The following CCDC149 variants were observed in gnomAD, a reference collection of about 807,000 sequenced individuals.
CCDC149 encodes coiled-coil domain-containing protein 149.
A neutral mutation model predicts 59.9 loss-of-function variants in CCDC149; 45 were observed. The ratio of observed to expected loss-of-function variants is 0.75; its 90% confidence interval spans 0.59 to 0.96. The LOEUF (loss-of-function observed/expected upper bound fraction) is 0.96. Among genes scored for constraint, CCDC149 ranks in the 40% least tolerant of loss-of-function variants. The pLI is 0.00. For synonymous variants in CCDC149, 245 were observed against 260.6 expected, an observed-to-expected ratio of 0.94 and a Z score of 0.58; for missense variants, 584 against 664.7, an observed-to-expected ratio of 0.88 and a Z score of 1.33.
At chr4:24,832,654 A>T (rs747795551) in intron 8 of CCDC149, among the ~76,000 whole-genome samples, 1 of 152,164 alleles carries the variant, frequency 6.6e-6, no homozygotes, top group Non-Finnish European at 1.5e-5. Context: ...ACTTTCAAAA[A>T]ATTCCTAATT....
intron 1 of CCDC149, among the ~76,000 whole-genome samples, chr4:24,955,956 C>T (rs1723452258): frequency 6.6e-6 from 1 of 152,216 alleles, no homozygotes; most frequent in Non-Finnish European, 1.5e-5. Flanking sequence ...TTTATTCACA[C>T]CCTTCCTACA....
intron 1 of CCDC149, among the ~76,000 whole-genome samples, chr4:24,931,972 T>A (rs1015185635): frequency 5.3e-5 from 8 of 151,778 alleles, no homozygotes; most frequent in Admixed American, 2.6e-4. Flanking sequence ...AGCTACACTT[T>A]TTGTGTCCAA....
chr4:24,941,309 C>T (rs1489407943), intron 1 of CCDC149, among the ~76,000 whole-genome samples: 2 of 152,158 alleles, frequency 1.3e-5, no homozygotes, highest in East Asian at 1.9e-4. Flanking sequence ...GGGTACATAA[C>T]GAAATGAAGG....
intron 7 of CCDC149, 51 bp downstream of exon 7, chr4:24,836,385 G>A (rs771928455): frequency 2.5e-6 from 3 of 1,203,318 alleles, no homozygotes; most frequent in South Asian, 1.2e-5. Flanking sequence ...ATAGAATGAC[G>A]TTTAGATGCA....
chr4:24,820,308 A>C (rs752620645), intron 11 of CCDC149: 3 of 243,744 alleles, frequency 1.2e-5, no homozygotes, highest in African/African-American at 2.3e-5. Flanking sequence ...GCATGTCTAG[A>C]ATGCCTGGTA....
At chr4:24,953,193 T>TTGCTACTCCA (rs1723364387) in intron 1 of CCDC149, among the ~76,000 whole-genome samples, 1 of 152,186 alleles carries the variant, frequency 6.6e-6, no homozygotes, top group Non-Finnish European at 1.5e-5. Context: ...AGCATCTGGC[T>TTGCTACTCCA]GGGGGCTCCA....
At chr4:24,963,018 A>G (rs1323018155) in intron 1 of CCDC149, among the ~76,000 whole-genome samples, 1 of 152,128 alleles carries the variant, frequency 6.6e-6, no homozygotes, top group African/African-American at 2.4e-5. Context: ...TGCTCTCCTT[A>G]GCCAAAAAAT....
At chr4:24,875,109 C>A (rs1172552686) in intron 2 of CCDC149, among the ~76,000 whole-genome samples, 1 of 152,126 alleles carries the variant, frequency 6.6e-6, no homozygotes, top group East Asian at 1.9e-4. Context: ...GAGATTGAGA[C>A]CATCCTGGCT....
At chr4:24,810,288 T>C (rs898813464) in intron 12 of CCDC149, among the ~76,000 whole-genome samples, 1 of 152,184 alleles carries the variant, frequency 6.6e-6, no homozygotes, top group Non-Finnish European at 1.5e-5. Context: ...CAAAAATATT[T>C]AAAAAATAGT....
intron 12 of CCDC149, among the ~76,000 whole-genome samples, chr4:24,815,034 A>G (rs2109095175): frequency 6.6e-6 from 1 of 152,348 alleles, no homozygotes; most frequent in Non-Finnish European, 1.5e-5. Flanking sequence ...TAAATGTAGA[A>G]ACTTGCCTGA....
rs1352210125 is a variant in CCDC149 at position 24,853,310 on chromosome 4, T to A, written c.265-131A>T. 5.8e-6 allele frequency: 4 copies of A among 690,414 alleles called. No individual in the cohort carries two copies. In the East Asian group the frequency reaches 1.1e-4, roughly 18 times the overall value. 42.8% of individuals were successfully genotyped at this position (690,414 alleles called of 1,614,324 possible). A position where few individuals can be genotyped will look rare whatever the true frequency, so the allele number is the denominator to read the frequency against. On this transcript the variant is annotated intron_variant, in intron 3 of 12. Transcript: ENST00000635206. ...CACAAAGCCCGTTATAGTAAACACA[T>A]ATATGAATGCAGCCAGTGTGTGAAT...
chr4:24,836,018 T>C (rs1037999857), intron 7 of CCDC149, among the ~76,000 whole-genome samples: 1 of 152,248 alleles, frequency 6.6e-6, no homozygotes, highest in African/African-American at 2.4e-5. Context: ...CAATCTTTGT[T>C]TCTTCATCAC....
intron 4 of CCDC149, among the ~76,000 whole-genome samples, chr4:24,849,463 T>C (rs1439734620): frequency 1.3e-5 from 2 of 152,138 alleles, no homozygotes; most frequent in East Asian, 1.9e-4. Context: ...TGGACAGAGA[T>C]AGCAGGAGGT....
chr4:24,835,262 T>C (rs1320903873), intron 7 of CCDC149, among the ~76,000 whole-genome samples: 1 of 152,224 alleles, frequency 6.6e-6, no homozygotes, highest in East Asian at 1.9e-4. Flanking sequence ...ATGATAGCAA[T>C]TACAGTCCCC....
At chr4:24,928,759 C>T (rs923640598) in intron 1 of CCDC149, among the ~76,000 whole-genome samples, 8 of 152,154 alleles carry the variant, frequency 5.3e-5, no homozygotes, top group Admixed American at 4.6e-4. Context: ...GACACAGGTG[C>T]TGTCATGGTC....
chr4:24,895,036 C>T (rs12511068), intron 1 of CCDC149: 265,544 of 1,531,250 alleles, frequency 0.17, 22,374 homozygotes, highest in South Asian at 0.24. Flanking sequence ...ATGATGATGA[C>T]GACGACGATG....
intron 3 of CCDC149, among the ~76,000 whole-genome samples, chr4:24,871,873 T>A (rs1719063991): frequency 1.3e-5 from 2 of 152,240 alleles, no homozygotes; most frequent in Admixed American, 6.5e-5. Flanking sequence ...TTTTTTTTAT[T>A]ATAAAGCCAC....
intron 1 of CCDC149, among the ~76,000 whole-genome samples, chr4:24,922,384 C>T (rs1722320029): frequency 6.6e-6 from 1 of 152,196 alleles, no homozygotes; most frequent in African/African-American, 2.4e-5. Flanking sequence ...CTCACCCCAC[C>T]AACTTCAGTC....
intron 1 of CCDC149, among the ~76,000 whole-genome samples, chr4:24,926,124 A>C (rs1035643751): frequency 6.6e-6 from 1 of 152,142 alleles, no homozygotes; most frequent in Non-Finnish European, 1.5e-5. Context: ...TGAACCCGGG[A>C]GGTGGAGATT....
Sources: gnomAD v4.1 joint callset for allele counts (sites outside exome capture counted in the v4.1 genomes callset) on GRCh38, gnomAD v4.1.1 for gene constraint, MANE v1.5 for transcripts, NCBI Gene and HGNC (gene_info 2026-07-23, HGNC 2026-07-21) for gene names.